Variants in PCDHA5 observed in about 807,000 individuals in gnomAD.
PCDHA5 encodes protocadherin alpha 5, also known as protocadherin alpha-5.
A neutral mutation model predicts 61.6 loss-of-function variants in PCDHA5; 43 were observed. The observed-to-expected ratio is 0.70, with a 90% CI of 0.55 to 0.90. The LOEUF is 0.90. Ranked by LOEUF, PCDHA5 falls within the 40% of genes least tolerant of loss-of-function variation. The pLI is 0.00. For synonymous variants in PCDHA5, 627 were observed against 543.9 expected, an observed-to-expected ratio of 1.15 and a Z score of -2.13; for missense variants, 1,298 against 1,222.7, an observed-to-expected ratio of 1.06 and a Z score of -0.92.
chr5:140,835,763 T>C (rs2150244307), intron 1 of PCDHA5: 12 of 1,613,224 alleles, frequency 7.4e-6, no homozygotes, highest in South Asian at 5.5e-5. Flanking sequence ...AGCCCGAGTA[T>C]ACGGTGTTCG....
chr5:140,902,316 G>C (rs2069370797), intron 1 of PCDHA5, among the ~76,000 whole-genome samples: 1 of 151,402 alleles, frequency 6.6e-6, no homozygotes, highest in Non-Finnish European at 1.5e-5. Context: ...GGGATTACAG[G>C]TGTAACTCAC....
intron 1 of PCDHA5, chr5:140,850,551 G>T: frequency 6.3e-7 from 1 of 1,598,324 alleles, no homozygotes; most frequent in Non-Finnish European, 8.6e-7. Context: ...GTCAGTGGGT[G>T]CCACGGGCCC....
chr5:140,982,475 C>T lies in PCDHA5; in HGVS notation c.2412C>T (p.Ser804=). The change falls in exon 3 of 4, where the codon AGC becomes AGT. Residue 804 remains serine, a splice_region_variant and synonymous_variant. Coordinates refer to ENST00000529859, the MANE Select transcript of PCDHA5 (RefSeq NM_018908.3). ...TATCTGGGTCTGTGTGTTTATTCAG[C>T]TCTGTGCACCTAGAGGAGGCTGGCA... The part of the protein sequence containing the change: ...YSASLRAGMH[S]SVHLEEAGIL... 1 of 1,614,154 alleles carries T rather than the reference C, an allele frequency of 6.2e-7. No homozygotes were observed. Among genetic ancestry groups the T allele is most frequent in the African/African-American group, 1.3e-5 (1 of 75,040 alleles).
intron 1 of PCDHA5, among the ~76,000 whole-genome samples, chr5:140,970,714 A>C (rs1554232672): frequency 6.6e-6 from 1 of 152,220 alleles, no homozygotes; most frequent in Non-Finnish European, 1.5e-5. Flanking sequence ...CAATGTGTGA[A>C]CAATATTTGT....
At chr5:141,006,882 G>A (rs1442637421) in intron 3 of PCDHA5, among the ~76,000 whole-genome samples, 1 of 152,204 alleles carries the variant, frequency 6.6e-6, no homozygotes, top group Non-Finnish European at 1.5e-5. Flanking sequence ...GGAATCAAGA[G>A]TTTGATTTCA....
At chr5:140,877,599 C>T (rs1325384029) in intron 1 of PCDHA5, 5 of 1,613,882 alleles carry the variant, frequency 3.1e-6, no homozygotes, top group East Asian at 2.2e-5. Context: ...CGGTGTCCAG[C>T]CTGCTGGTGC....
At chr5:140,835,905 G>T (rs1270383213) in intron 1 of PCDHA5, 2 of 1,612,070 alleles carry the variant, frequency 1.2e-6, no homozygotes, top group Admixed American at 1.7e-5. Flanking sequence ...GTCGAGCTAC[G>T]TGTCAGTGCA....
chr5:140,856,108 C>A, intron 1 of PCDHA5: 1 of 1,598,026 alleles, frequency 6.3e-7, no homozygotes, highest in African/African-American at 1.3e-5. Context: ...TTCTTCTCCT[C>A]GCAGCCTGGG....
At chr5:140,828,204 A>G in intron 1 of PCDHA5, 8 of 1,614,086 alleles carry the variant, frequency 5.0e-6, no homozygotes, top group Non-Finnish European at 6.8e-6. Flanking sequence ...GTACCCGAGG[A>G]GGCCAAACAC....
intron 2 of PCDHA5, among the ~76,000 whole-genome samples, chr5:140,981,835 T>C (rs991736759): frequency 6.6e-6 from 1 of 152,162 alleles, no homozygotes; most frequent in Non-Finnish European, 1.5e-5. Context: ...TCTAAAGGTC[T>C]CCCAGTTTGT....
chr5:140,828,898 G>A, intron 1 of PCDHA5: 1 of 1,614,210 alleles, frequency 6.2e-7, no homozygotes, highest in Non-Finnish European at 8.5e-7. Flanking sequence ...CTTCTGATCG[G>A]GATGAAGGAG....
At chr5:140,994,753 G>T (rs143791883) in intron 3 of PCDHA5, among the ~76,000 whole-genome samples, 6 of 152,252 alleles carry the variant, frequency 3.9e-5, no homozygotes, top group Non-Finnish European at 7.3e-5. Context: ...AGTAGGATGT[G>T]GAGAGGAAGA....
chr5:140,836,405 G>C, intron 1 of PCDHA5: 1 of 1,613,802 alleles, frequency 6.2e-7, no homozygotes, highest in East Asian at 2.2e-5. Context: ...AAAGCGGCCA[G>C]GCACCAAAGG....
intron 3 of PCDHA5, among the ~76,000 whole-genome samples, chr5:141,004,676 G>C (rs1198896698): frequency 6.6e-6 from 1 of 152,168 alleles, no homozygotes; most frequent in Non-Finnish European, 1.5e-5. Context: ...AAGGACTGTG[G>C]AGTGGTGCTG....
intron 1 of PCDHA5, among the ~76,000 whole-genome samples, chr5:140,970,479 G>A (rs782054417): frequency 1.3e-4 from 20 of 152,160 alleles, no homozygotes; most frequent in Admixed American, 8.5e-4. Context: ...AGGCCAGCTT[G>A]TTCATTATTA....
At chr5:140,829,088 C>G in intron 1 of PCDHA5, 1 of 1,611,006 alleles carries the variant, frequency 6.2e-7, no homozygotes, top group Admixed American at 1.7e-5. Context: ...CATGGCGGGT[C>G]ATTGCACCGT....
rs190994194 is a variant in PCDHA5, at chr5:140,913,276, C to T, written c.2353-65673C>T. On this transcript the variant is annotated intron_variant, in intron 1 of 3. Transcript: ENST00000529859. ...TTTGATCTAATTACTTGTTATTGGTCTGTTTAGGTTTTAATTTCTTCATAG... is the reference window on the plus strand; with the variant it reads ...TTTGATCTAATTACTTGTTATTGGTTTGTTTAGGTTTTAATTTCTTCATAG... Among the ~76,000 whole-genome samples, 291 of 152,186 alleles carry T rather than the reference C, an allele frequency of 1.9e-3. 1 individual carries two copies. The highest frequency in any genetic ancestry group is 0.01 in the Middle Eastern group (3 of 294).
intron 1 of PCDHA5, among the ~76,000 whole-genome samples, chr5:140,855,548 C>T (rs1345944772): frequency 1.3e-5 from 2 of 149,752 alleles, no homozygotes; most frequent in Non-Finnish European, 3.0e-5. Flanking sequence ...AGTGTCAGAA[C>T]TTAAATGGAA....
chr5:140,902,415 G>C (rs887303649), intron 1 of PCDHA5, among the ~76,000 whole-genome samples: 24 of 152,178 alleles, frequency 1.6e-4, no homozygotes, highest in Admixed American at 1.3e-3. Flanking sequence ...TTGAATAACA[G>C]TGGTGAAAGT....
Sources: gnomAD v4.1 joint callset for allele counts (sites outside exome capture counted in the v4.1 genomes callset) on GRCh38, gnomAD v4.1.1 for gene constraint, MANE v1.5 for transcripts, NCBI Gene and HGNC (gene_info 2026-07-23, HGNC 2026-07-21) for gene names.